The following DNAH5 variants were observed in gnomAD, a reference collection of about 807,000 sequenced individuals.
DNAH5 encodes the protein axonemal beta dynein heavy chain 5.
A neutral mutation model predicts 518.2 loss-of-function variants in DNAH5; 372 were observed. That is an observed-to-expected ratio of 0.72 (90% CI 0.66 to 0.78). The LOEUF is 0.78. Among genes scored for constraint, DNAH5 ranks in the 30% least tolerant of loss-of-function variants. The pLI is 0.00. For missense variants in DNAH5, 5,523 were observed against 5,687.0 expected (o/e 0.97, Z 0.93); for synonymous variants, 2,039 against 2,025.9 (o/e 1.01, Z -0.17).
chr5:13,808,152 C>T (rs759190858), intron 46 of DNAH5, among the ~76,000 whole-genome samples: 5 of 150,948 alleles, frequency 3.3e-5, no homozygotes, highest in Non-Finnish European at 7.4e-5. Flanking sequence ...ATTGCTTGAA[C>T]CCGAGAGGCA....
At chr5:13,966,333 G>A (rs971396552) in intron 1 of DNAH5, among the ~76,000 whole-genome samples, 9 of 152,186 alleles carry the variant, frequency 5.9e-5, no homozygotes, top group African/African-American at 9.7e-5. Flanking sequence ...CTGTGTGCAA[G>A]TATCTTTCTC....
rs539840695 is a variant in DNAH5, at chr5:13,838,352, C to T, written c.5882+1004G>A. On this transcript the variant is annotated intron_variant, in intron 35 of 78. Coordinates refer to ENST00000265104, the MANE Select transcript of DNAH5 (RefSeq NM_001369.3). ...ACCGGGCCACACAGCAGGAGGTGGGCGGCGGGCAAGTGAGAGAAGCTTCAT... is the reference window on the plus strand; with the variant it reads ...ACCGGGCCACACAGCAGGAGGTGGGTGGCGGGCAAGTGAGAGAAGCTTCAT... Among the ~76,000 whole-genome samples the T allele has an allele frequency of 3.3e-4, 50 of 152,226 alleles. 1 individual carries two copies. Among genetic ancestry groups the T allele is most frequent in the South Asian group, 3.1e-3 (15 of 4,820 alleles).
chr5:13,735,563 T>C (rs913765356), intron 67 of DNAH5, among the ~76,000 whole-genome samples: 1 of 152,178 alleles, frequency 6.6e-6, no homozygotes, highest in Non-Finnish European at 1.5e-5. Context: ...CAACGATATC[T>C]TGGGAATTTT....
At chr5:13,980,600 C>T (rs1782605364) in intron 1 of DNAH5, among the ~76,000 whole-genome samples, 2 of 152,116 alleles carry the variant, frequency 1.3e-5, no homozygotes, top group African/African-American at 2.4e-5. Context: ...CAAATCTGAC[C>T]ACCTCCTAGC....
In DNAH5 at chr5:13,894,698, T is replaced by C; in HGVS notation, c.2383A>G (p.Thr795Ala). The C allele has an allele frequency of 6.2e-7, 1 of 1,614,126 alleles. No individual in the cohort carries two copies. The highest frequency in any genetic ancestry group is 1.7e-5 in the Admixed American group (1 of 60,022). ...AAATAAGCCTCAATATTCAGTGATGTCCAGGTCAGTGCAGCCAAGCCAGGT... is the reference window on the plus strand; with the variant it reads ...AAATAAGCCTCAATATTCAGTGATGCCCAGGTCAGTGCAGCCAAGCCAGGT... The part of the protein sequence containing the change: ...LQPGLAALTW[T>A]SLNIEAYLEN... Residue 795 changes from threonine to alanine, a missense_variant, in exon 16 of 79, where the codon ACA becomes GCA. Thr to Ala is a moderately conservative substitution (Grantham distance 58). This residue lies in a region of DNAH5 where 5,121 missense variants were observed against 5,223.3 expected (regional missense o/e 0.98). Transcript: ENST00000265104.
chr5:13,770,461 T>C (rs1185803347), intron 56 of DNAH5, among the ~76,000 whole-genome samples: 1 of 152,150 alleles, frequency 6.6e-6, no homozygotes, highest in African/African-American at 2.4e-5. Context: ...TTTATCCTAC[T>C]GGGCAAGGAA....
At chr5:13,729,979 T>C (rs374717759) in intron 68 of DNAH5, among the ~76,000 whole-genome samples, 214 of 152,332 alleles carry the variant, frequency 1.4e-3, no homozygotes, top group African/African-American at 5.1e-3. Flanking sequence ...ATATTAAGAA[T>C]TGCCCAATAT....
chr5:13,871,833 T>C, intron 22 of DNAH5, 68 bp from the exon 23 acceptor site: 6 of 1,336,258 alleles, frequency 4.5e-6, no homozygotes, highest in Non-Finnish European at 6.4e-6. Context: ...TAAGTGAATA[T>C]TTACCAACTG....
In DNAH5 at chr5:13,777,597, T is replaced by C. The variant is rs6871608; in HGVS notation, c.8952-242A>G. Among the ~76,000 whole-genome samples, 448 of 152,340 alleles carry C rather than the reference T, an allele frequency of 2.9e-3. 3 individuals are homozygous for C. The highest frequency in any genetic ancestry group is 0.01 in the African/African-American group (429 of 41,578). Reference sequence around the variant, plus strand: ...CTGAAAAGTCAACCTGGAACAAAAATAGAATTTTTATCACAACCAAATGTC... The same window carrying C: ...CTGAAAAGTCAACCTGGAACAAAAACAGAATTTTTATCACAACCAAATGTC... On this transcript the variant is annotated intron_variant, in intron 53 of 78. Coordinates refer to ENST00000265104, the MANE Select transcript of DNAH5 (RefSeq NM_001369.3).
intron 21 of DNAH5, among the ~76,000 whole-genome samples, chr5:13,880,528 A>C (rs987455870): frequency 2.6e-5 from 4 of 152,108 alleles, no homozygotes; most frequent in African/African-American, 4.8e-5. Flanking sequence ...AAAAAGATGT[A>C]AAATGTGACA....
intron 1 of DNAH5, among the ~76,000 whole-genome samples, chr5:13,999,371 C>T (rs991140065): frequency 1.3e-5 from 2 of 152,332 alleles, no homozygotes; most frequent in East Asian, 1.9e-4. Context: ...TTCTGCTCCC[C>T]CAGCCTCCTG....
chr5:13,874,715 A>C (rs1187573179), intron 22 of DNAH5, among the ~76,000 whole-genome samples: 2 of 152,112 alleles, frequency 1.3e-5, no homozygotes, highest in Non-Finnish European at 2.9e-5. Context: ...ACATAGTTTT[A>C]CCATATTGGC....
At chr5:13,961,982 T>C (rs1419983855) in intron 1 of DNAH5, among the ~76,000 whole-genome samples, 1 of 152,242 alleles carries the variant, frequency 6.6e-6, no homozygotes, top group African/African-American at 2.4e-5. Context: ...TACATACATA[T>C]ACTTTTTGAG....
In DNAH5 at chr5:13,830,777, T is replaced by C. The variant is rs1580465796; in HGVS notation, c.5883-2A>G. ...GCTTGAGCCAGCGTGATGTAACATC[T>C]GCATGGGTAGAAACATCACTAGAAC... On this transcript the variant is annotated splice_acceptor_variant, in intron 35 of 78. Coordinates refer to ENST00000265104, the MANE Select transcript of DNAH5 (RefSeq NM_001369.3). LOFTEE classifies it high-confidence loss of function. The C allele has an allele frequency of 8.7e-6, 14 of 1,614,064 alleles. No individual in the cohort carries two copies. Among genetic ancestry groups the C allele is most frequent in the Non-Finnish European group, 1.2e-5 (14 of 1,179,978 alleles).
At chr5:13,912,210 G>T (rs1200624855) in intron 11 of DNAH5, among the ~76,000 whole-genome samples, 1 of 152,084 alleles carries the variant, frequency 6.6e-6, no homozygotes, top group East Asian at 1.9e-4. Context: ...ACTGTTGACA[G>T]AAGCATATAA....
chr5:13,922,923 C>CA lies in DNAH5; in HGVS notation c.438+356dup, dbSNP rs371665061. On this transcript the variant is annotated intron_variant, in intron 4 of 78. Coordinates refer to ENST00000265104, the MANE Select transcript of DNAH5 (RefSeq NM_001369.3). Reference sequence around the variant, plus strand: ...TTGTACAGATGCATTTTACTTTGCACAAAAAAAAAAAAGTTATATATCCAC... The same window carrying CA: ...TTGTACAGATGCATTTTACTTTGCACAAAAAAAAAAAAAGTTATATATCCAC... 2.2e-3 allele frequency among the ~76,000 whole-genome samples: 303 copies of CA among 137,062 alleles called. 2 individuals carry two copies. Among genetic ancestry groups the CA allele is most frequent in the Non-Finnish European group, 2.7e-3 (167 of 62,908 alleles). The allele number at this position is 137,062 out of a possible 152,430, so 89.9% of individuals were successfully genotyped here.
At position 13,754,417 on chromosome 5, in the gene DNAH5, C is replaced by T. The variant is rs182354982; in HGVS notation, c.10420-79G>A. 9.4e-4 allele frequency: 1,433 copies of T among 1,521,784 alleles called. 4 individuals carry two copies. Among genetic ancestry groups the T allele is most frequent in the Middle Eastern group, 9.2e-3 (54 of 5,900 alleles). The allele number at this position is 1,521,784 out of a possible 1,614,324, so 94.3% of individuals were successfully genotyped here. On this transcript the variant is annotated intron_variant, in intron 61 of 78. Coordinates refer to ENST00000265104, the MANE Select transcript of DNAH5 (RefSeq NM_001369.3). ...GGCTCAAAAATATAATTGTAGAACA[C>T]GCCATATTATCTGCCTTCCTGAGAC...
intron 5 of DNAH5, among the ~76,000 whole-genome samples, chr5:13,921,875 C>T (rs187086016): frequency 6.6e-6 from 1 of 152,184 alleles, no homozygotes; most frequent in East Asian, 1.9e-4. Context: ...TAAAGCCCTA[C>T]AACACTGCCA....
intron 1 of DNAH5, among the ~76,000 whole-genome samples, chr5:13,992,127 G>A (rs1270131304): frequency 2.0e-5 from 3 of 152,148 alleles, no homozygotes; most frequent in Non-Finnish European, 4.4e-5. Context: ...AGTTTCCATT[G>A]AACAAGTATA....
Sources: gnomAD v4.1 joint callset for allele counts (sites outside exome capture counted in the v4.1 genomes callset) on GRCh38, gnomAD v4.1.1 for gene constraint, gnomAD v4.1.1 regional missense constraint, MANE v1.5 for transcripts, NCBI Gene and HGNC (gene_info 2026-07-23, HGNC 2026-07-21) for gene names.